Variants in SGCZ observed in about 807,000 individuals in gnomAD.
SGCZ encodes the protein sarcoglycan zeta.
SGCZ carries 40 observed loss-of-function variants against 41.3 expected under a neutral mutation model. The observed-to-expected ratio is 0.97, with a 90% CI of 0.75 to 1.26. The LOEUF is 1.26. Among genes scored for constraint, SGCZ ranks in the 50% most tolerant of loss-of-function variants. The pLI is 0.00. For synonymous variants in SGCZ, 206 were observed against 137.5 expected (o/e 1.50, Z -3.49); for missense variants, 552 against 369.8 (o/e 1.49, Z -4.04).
intron 2 of SGCZ, among the ~76,000 whole-genome samples, chr8:14,445,827 C>G (rs1800416617): frequency 1.3e-5 from 2 of 152,150 alleles, no homozygotes. Context: ...TGGTTCTAGC[C>G]ATGGGTTCCA....
At chr8:14,756,567 T>C (rs1252023091) in intron 1 of SGCZ, among the ~76,000 whole-genome samples, 1 of 152,200 alleles carries the variant, frequency 6.6e-6, no homozygotes, top group Non-Finnish European at 1.5e-5. Flanking sequence ...TCTAACATCA[T>C]TATGAGTTTG....
chr8:14,554,724 G>A lies in SGCZ; in HGVS notation c.234+8C>T, dbSNP rs372996138. 1 of 1,608,504 alleles carries A rather than the reference G, an allele frequency of 6.2e-7. No homozygotes were observed. On this transcript the variant is annotated splice_region_variant and intron_variant, in intron 2 of 7. Coordinates refer to ENST00000382080, the MANE Select transcript of SGCZ (RefSeq NM_139167.4). ...AGCAATAAGATGTAAAATCATAGTG[G>A]TACTTACCACAGTGAAATTCATAAC...
At chr8:15,052,541 G>A (rs753983502) in intron 1 of SGCZ, among the ~76,000 whole-genome samples, 1 of 152,036 alleles carries the variant, frequency 6.6e-6, no homozygotes, top group Non-Finnish European at 1.5e-5. Flanking sequence ...TCGTTCTAAC[G>A]CTCCTTCCTT....
intron 1 of SGCZ, among the ~76,000 whole-genome samples, chr8:15,158,339 G>A (rs1317217348): frequency 6.6e-6 from 1 of 151,960 alleles, no homozygotes; most frequent in Non-Finnish European, 1.5e-5. Flanking sequence ...AGCTATTTGT[G>A]GAATCTGAGG....
rs188494677 is a variant in SGCZ, at chr8:14,151,321, A to G, written c.547+13259T>C. Among the ~76,000 whole-genome samples, 1,034 of 152,172 alleles carry G rather than the reference A, an allele frequency of 6.8e-3. 15 individuals carry two copies. The highest frequency in any genetic ancestry group is 0.024 in the African/African-American group (986 of 41,542). ...GCATACTATATGCCAAAGAAATTAA[A>G]AATTAAAAAATTAAACCATACTATT... On this transcript the variant is annotated intron_variant, in intron 5 of 7. Transcript: ENST00000382080.
chr8:14,897,096 T>C (rs890672044), intron 1 of SGCZ, among the ~76,000 whole-genome samples: 8 of 152,130 alleles, frequency 5.3e-5, no homozygotes, highest in African/African-American at 1.9e-4. Flanking sequence ...CTGACTTTCT[T>C]AACCTCCCTA....
chr8:14,366,482 A>T (rs966709970), intron 2 of SGCZ, among the ~76,000 whole-genome samples: 2 of 152,136 alleles, frequency 1.3e-5, no homozygotes, highest in Non-Finnish European at 2.9e-5. Context: ...GTGGGTTACA[A>T]TTCAAGAAAA....
chr8:14,529,289 T>C (rs538512031), intron 2 of SGCZ, among the ~76,000 whole-genome samples: 2 of 152,154 alleles, frequency 1.3e-5, no homozygotes, highest in Admixed American at 6.5e-5. Flanking sequence ...AGCCCATACC[T>C]AACTCATTCC....
intron 1 of SGCZ, among the ~76,000 whole-genome samples, chr8:14,654,621 G>A (rs1276397715): frequency 6.6e-6 from 1 of 151,990 alleles, no homozygotes; most frequent in Non-Finnish European, 1.5e-5. Context: ...GCCCAGGCTG[G>A]AATGCAATGG....
At chr8:14,312,010 T>G (rs1364008410) in intron 3 of SGCZ, among the ~76,000 whole-genome samples, 1 of 152,164 alleles carries the variant, frequency 6.6e-6, no homozygotes, top group Non-Finnish European at 1.5e-5. Context: ...AAACAAAATA[T>G]CTTGCCACAA....
At chr8:14,301,313 A>G (rs1008817109) in intron 3 of SGCZ, among the ~76,000 whole-genome samples, 7 of 152,100 alleles carry the variant, frequency 4.6e-5, no homozygotes, top group Non-Finnish European at 8.8e-5. Context: ...TTTTCTGATA[A>G]AAGTATAGGA....
intron 1 of SGCZ, among the ~76,000 whole-genome samples, chr8:15,211,525 A>G (rs1251373915): frequency 6.6e-6 from 1 of 152,120 alleles, no homozygotes; most frequent in Admixed American, 6.6e-5. Context: ...GCAACAGTCA[A>G]AAGAGAAGGT....
At chr8:14,346,423 C>A (rs895102621) in intron 2 of SGCZ, among the ~76,000 whole-genome samples, 3 of 151,888 alleles carry the variant, frequency 2.0e-5, no homozygotes, top group African/African-American at 7.2e-5. Context: ...GAGTGATTTA[C>A]TAAAATTCTG....
intron 2 of SGCZ, among the ~76,000 whole-genome samples, chr8:14,532,403 G>T (rs747008404): frequency 4.6e-5 from 7 of 152,098 alleles, no homozygotes; most frequent in Non-Finnish European, 8.8e-5. Flanking sequence ...ACCAATAACA[G>T]AATTCCTCCC....
intron 1 of SGCZ, among the ~76,000 whole-genome samples, chr8:14,658,449 T>C (rs1304745338): frequency 6.6e-6 from 1 of 152,150 alleles, no homozygotes; most frequent in Non-Finnish European, 1.5e-5. Flanking sequence ...CTCATCATTC[T>C]AAGCTTCAGG....
At chr8:15,230,184 T>C (rs1801897888) in intron 1 of SGCZ, among the ~76,000 whole-genome samples, 1 of 122,308 alleles carries the variant, frequency 8.2e-6, no homozygotes, top group Non-Finnish European at 1.7e-5. Flanking sequence ...AGGATACTAG[T>C]TAAAAAAAAA....
intron 4 of SGCZ, among the ~76,000 whole-genome samples, chr8:14,201,644 G>A (rs957629045): frequency 1.3e-5 from 2 of 152,114 alleles, no homozygotes; most frequent in Admixed American, 1.3e-4. Flanking sequence ...TGGATGCTAG[G>A]TTTGACTACC....
intron 2 of SGCZ, among the ~76,000 whole-genome samples, chr8:14,385,806 G>A (rs1563295323): frequency 6.6e-6 from 1 of 152,006 alleles, no homozygotes. Flanking sequence ...ATAACAAATC[G>A]AATACACTCA....
At chr8:14,158,658 G>T (rs1192165275) in intron 5 of SGCZ, among the ~76,000 whole-genome samples, 1 of 152,170 alleles carries the variant, frequency 6.6e-6, no homozygotes, top group East Asian at 1.9e-4. Flanking sequence ...ACCATGAGAA[G>T]TCCGCATGAG....
Sources: allele counts gnomAD v4.1 joint callset (sites outside exome capture counted in the v4.1 genomes callset), GRCh38; gene constraint gnomAD v4.1.1; transcripts MANE v1.5; gene names NCBI Gene and HGNC (gene_info 2026-07-23, HGNC 2026-07-21).